Variants in PRKAR2A observed in about 807,000 individuals in gnomAD.
The protein encoded by PRKAR2A is protein kinase cAMP-dependent type II regulatory subunit alpha.
Under a neutral mutation model 51.9 loss-of-function variants are expected in PRKAR2A, and 29 were observed. That is an observed-to-expected ratio of 0.56 (90% CI 0.42 to 0.76). The LOEUF is 0.76. PRKAR2A is among the 30% of genes least tolerant of loss of function. The pLI, the probability that PRKAR2A is intolerant of heterozygous loss-of-function variation, is 0.00. For synonymous variants in PRKAR2A, 178 were observed against 186.2 expected (o/e 0.96, Z 0.36); for missense variants, 445 against 512.1 (o/e 0.87, Z 1.26).
chr3:48,825,540 A>G (rs1203876211), intron 1 of PRKAR2A, among the ~76,000 whole-genome samples: 1 of 152,070 alleles, frequency 6.6e-6, no homozygotes, highest in African/African-American at 2.4e-5. Flanking sequence ...GCTACCTGGG[A>G]GGCTGAGGCA....
At chr3:48,825,035 T>C (rs1324847283) in intron 1 of PRKAR2A, among the ~76,000 whole-genome samples, 20 of 141,852 alleles carry the variant, frequency 1.4e-4, no homozygotes, top group Non-Finnish European at 2.3e-4. Flanking sequence ...TTTCTTTTTT[T>C]TTTTTTTTTT....
At chr3:48,819,157 A>G (rs1228267167) in intron 1 of PRKAR2A, among the ~76,000 whole-genome samples, 1 of 152,132 alleles carries the variant, frequency 6.6e-6, no homozygotes, top group East Asian at 1.9e-4. Flanking sequence ...CTGGGATTAC[A>G]GGCGCCAACC....
At chr3:48,811,202 A>T (rs923100010) in intron 1 of PRKAR2A, among the ~76,000 whole-genome samples, 2 of 150,212 alleles carry the variant, frequency 1.3e-5, no homozygotes, top group African/African-American at 5.0e-5. Flanking sequence ...AATTAAAAAA[A>T]ATGGGGCAGG....
intron 2 of PRKAR2A, among the ~76,000 whole-genome samples, chr3:48,807,236 GA>G (rs2082687915): frequency 6.6e-6 from 1 of 151,986 alleles, no homozygotes; most frequent in African/African-American, 2.4e-5. Context: ...AAACAAGACA[GA>G]AAAAGCCAAG....
chr3:48,816,183 T>C (rs929869524), intron 1 of PRKAR2A, among the ~76,000 whole-genome samples: 4 of 152,170 alleles, frequency 2.6e-5, no homozygotes, highest in Non-Finnish European at 5.9e-5. Flanking sequence ...CATCCACTGA[T>C]ACCCTCCTTC....
intron 1 of PRKAR2A, among the ~76,000 whole-genome samples, chr3:48,838,921 T>C (rs1448066455): frequency 1.3e-5 from 2 of 151,414 alleles, no homozygotes; most frequent in Non-Finnish European, 2.9e-5. Flanking sequence ...GAGGTGGAGC[T>C]TGCAGTCAGC....
chr3:48,772,139 T>C (rs886302648), intron 6 of PRKAR2A, among the ~76,000 whole-genome samples: 1 of 152,202 alleles, frequency 6.6e-6, no homozygotes, highest in Admixed American at 6.6e-5. Context: ...TGCTCTATTA[T>C]GTCCATAGTT....
intron 5 of PRKAR2A, among the ~76,000 whole-genome samples, chr3:48,782,782 T>C (rs1308917393): frequency 1.3e-5 from 2 of 152,176 alleles, no homozygotes; most frequent in Non-Finnish European, 2.9e-5. Context: ...CTCTAAATGA[T>C]TGCTCTTCAA....
intron 1 of PRKAR2A, among the ~76,000 whole-genome samples, chr3:48,819,089 CA>C (rs2082918941): frequency 6.6e-6 from 1 of 151,994 alleles, no homozygotes; most frequent in South Asian, 2.1e-4. Flanking sequence ...TGCAACCTCC[CA>C]CTGCAACCTC....
intron 1 of PRKAR2A, among the ~76,000 whole-genome samples, chr3:48,827,064 AT>A (rs746756915): frequency 6.6e-6 from 1 of 152,154 alleles, no homozygotes; most frequent in Non-Finnish European, 1.5e-5. Context: ...TCTACTAACC[AT>A]TTTTAAAATT....
intron 1 of PRKAR2A, among the ~76,000 whole-genome samples, chr3:48,824,598 AAAGAAAG>A (rs938624505): frequency 8.7e-5 from 12 of 137,418 alleles, no homozygotes; most frequent in Admixed American, 3.8e-4. Flanking sequence ...AGAAAGAAAG[AAAGAAAG>A]AACCCTGCAC....
chr3:48,752,110 T>C (rs917525080), intron 10 of PRKAR2A, 66 bp downstream of exon 10: 11 of 1,550,860 alleles, frequency 7.1e-6, no homozygotes, highest in Non-Finnish European at 8.7e-6. Flanking sequence ...ATGTCAAGGC[T>C]TGCTGATGGG....
At chr3:48,837,200 C>A (rs1315234475) in intron 1 of PRKAR2A, among the ~76,000 whole-genome samples, 1 of 151,962 alleles carries the variant, frequency 6.6e-6, no homozygotes, top group Non-Finnish European at 1.5e-5. Context: ...CGCATGAGCC[C>A]AGGAGCCCAG....
At chr3:48,778,503 C>CT (rs2082139628) in intron 5 of PRKAR2A, among the ~76,000 whole-genome samples, 1 of 151,388 alleles carries the variant, frequency 6.6e-6, no homozygotes. Context: ...TTAAAAAATG[C>CT]TTTTTTGTGT....
In PRKAR2A at chr3:48,749,074, G is replaced by A. The variant is rs1202226094; in HGVS notation, c.*2511C>T. On this transcript the variant is annotated 3_prime_UTR_variant, in exon 11 of 11. Transcript: ENST00000265563. Reference sequence around the variant, plus strand: ...TGTGGATAGTTGAAGGTGACTGTGTGGGCCATCATTATCTACAATAGAAAT... The same window carrying A: ...TGTGGATAGTTGAAGGTGACTGTGTAGGCCATCATTATCTACAATAGAAAT... 1 of 152,128 alleles carries A rather than the reference G, an allele frequency of 6.6e-6. No individual in the cohort carries two copies. The highest frequency in any genetic ancestry group is 1.5e-5 in the Non-Finnish European group (1 of 68,018). The allele number at this position is 152,128 out of a possible 1,614,324, so 9.4% of individuals were successfully genotyped here. A position where few individuals can be genotyped will look rare whatever the true frequency, so the allele number is the denominator to read the frequency against.
At chr3:48,777,828 AC>A (rs2082128730) in intron 5 of PRKAR2A, among the ~76,000 whole-genome samples, 3 of 152,204 alleles carry the variant, frequency 2.0e-5, no homozygotes, top group Admixed American at 6.6e-5. Flanking sequence ...AGGGGAGCTT[AC>A]CACTCAGTAG....
intron 1 of PRKAR2A, among the ~76,000 whole-genome samples, chr3:48,826,085 A>G (rs1376682047): frequency 6.6e-6 from 1 of 152,136 alleles, no homozygotes; most frequent in Admixed American, 6.6e-5. Flanking sequence ...CAACATAGAG[A>G]GACCCCCATC....
intron 5 of PRKAR2A, among the ~76,000 whole-genome samples, chr3:48,780,060 G>C (rs1377405261): frequency 2.0e-5 from 3 of 151,468 alleles, no homozygotes; most frequent in Admixed American, 6.6e-5. Context: ...TCAGGAAGCT[G>C]AGGCAGGAGA....
intron 2 of PRKAR2A, among the ~76,000 whole-genome samples, chr3:48,806,821 G>C (rs1458104748): frequency 1.3e-5 from 2 of 151,900 alleles, no homozygotes; most frequent in East Asian, 3.9e-4. Flanking sequence ...GCCCAGGCTG[G>C]AGTGCAGTAG....
Sources: allele counts gnomAD v4.1 joint callset (sites outside exome capture counted in the v4.1 genomes callset), GRCh38; gene constraint gnomAD v4.1.1; transcripts MANE v1.5; gene names NCBI Gene and HGNC (gene_info 2026-07-23, HGNC 2026-07-21).